The following NETO1 variants were observed in gnomAD, a reference collection of about 807,000 sequenced individuals.
NETO1 encodes the protein neuropilin and tolloid-like protein 1.
Under a neutral mutation model 61.3 loss-of-function variants are expected in NETO1, and 26 were observed. The observed-to-expected ratio is 0.42, with a 90% CI of 0.31 to 0.59. NETO1 has a LOEUF of 0.59. Among genes scored for constraint, NETO1 ranks in the 20% least tolerant of loss-of-function variants. The pLI is 0.12. For synonymous variants in NETO1, 225 were observed against 225.8 expected (o/e 1.00, Z 0.03); for missense variants, 531 against 662.8 (o/e 0.80, Z 2.18).
chr18:72,837,941 C>T lies in NETO1; in HGVS notation c.469+20885G>A, dbSNP rs564344177. Among the ~76,000 whole-genome samples, 108 of 151,574 alleles carry T rather than the reference C, an allele frequency of 7.1e-4. 1 individual carries two copies. The South Asian group carries it at 0.022, about 31-fold the overall frequency. Reference sequence around the variant, plus strand: ...TACAATAGCTACACAAAACATTCTCCGTCCCCATCACCATCCCCTATGACA... The same window carrying T: ...TACAATAGCTACACAAAACATTCTCTGTCCCCATCACCATCCCCTATGACA... On this transcript the variant is annotated intron_variant, in intron 4 of 10. Coordinates refer to ENST00000327305, the MANE Select transcript of NETO1 (RefSeq NM_138966.5).
intron 8 of NETO1, 80 bp from the exon 9 acceptor site, chr18:72,750,700 G>T: frequency 9.7e-7 from 1 of 1,027,154 alleles, no homozygotes; most frequent in Non-Finnish European, 1.4e-6. Flanking sequence ...TAGTCAAAAT[G>T]TGTATTAAAA....
chr18:72,773,709 C>A (rs754256400), intron 7 of NETO1, among the ~76,000 whole-genome samples: 13 of 152,172 alleles, frequency 8.5e-5, no homozygotes, highest in African/African-American at 3.1e-4. Flanking sequence ...AGGTGCCTTC[C>A]GCCATGATTG....
In NETO1 at chr18:72,796,875, T is replaced by C. The variant is rs186411757; in HGVS notation, c.470-2471A>G. ...TCATTTGGAACAAGATGCTTCCTAG[T>C]AGAAATTTGTTTCTTCATCTAAATC... On this transcript the variant is annotated intron_variant, in intron 4 of 10. Transcript: ENST00000327305. Among the ~76,000 whole-genome samples the C allele has an allele frequency of 5.3e-5, 8 of 152,340 alleles. No individual in the cohort carries two copies. The East Asian group carries it at 9.6e-4, about 18-fold the overall frequency.
At chr18:72,765,706 A>G (rs1268854167) in intron 7 of NETO1, among the ~76,000 whole-genome samples, 3 of 152,158 alleles carry the variant, frequency 2.0e-5, no homozygotes, top group African/African-American at 4.8e-5. Flanking sequence ...CGTGAGCCAC[A>G]GTGCCAGGCC....
intron 4 of NETO1, among the ~76,000 whole-genome samples, chr18:72,847,397 A>G (rs2074121360): frequency 6.6e-6 from 1 of 152,172 alleles, no homozygotes; most frequent in South Asian, 2.1e-4. Context: ...GAATGGTGGG[A>G]AGCGAGCCAG....
chr18:72,795,847 A>G (rs916109497), intron 4 of NETO1, among the ~76,000 whole-genome samples: 2 of 152,318 alleles, frequency 1.3e-5, no homozygotes, highest in Middle Eastern at 6.8e-3. Context: ...TCTTGAACTT[A>G]TTATTCTTCC....
intron 4 of NETO1, among the ~76,000 whole-genome samples, chr18:72,833,184 AC>A (rs2073636409): frequency 1.3e-5 from 2 of 152,212 alleles, no homozygotes; most frequent in African/African-American, 4.8e-5. Flanking sequence ...GTATATTGAT[AC>A]ATCCATACAA....
intron 7 of NETO1, among the ~76,000 whole-genome samples, chr18:72,767,214 G>A (rs921232410): frequency 6.6e-6 from 1 of 152,138 alleles, no homozygotes; most frequent in Non-Finnish European, 1.5e-5. Flanking sequence ...TAGTTCAGAG[G>A]CTATCAATTA....
chr18:72,867,309 G>A lies in NETO1; in HGVS notation c.-18C>T. 1 of 1,565,552 alleles carries A rather than the reference G, an allele frequency of 6.4e-7. No homozygotes were observed. Among genetic ancestry groups the A allele is most frequent in the Non-Finnish European group, 8.7e-7 (1 of 1,155,898 alleles). On this transcript the variant is annotated 5_prime_UTR_variant, in exon 1 of 11. Coordinates refer to ENST00000327305, the MANE Select transcript of NETO1 (RefSeq NM_138966.5). ...TGGATCATGTCTGTGCGTTACACCA[G>A]AGGCTCCGGGCTCCACTAATTCCAT...
intron 3 of NETO1, among the ~76,000 whole-genome samples, chr18:72,863,373 G>A (rs1265169410): frequency 6.6e-6 from 1 of 152,078 alleles, no homozygotes; most frequent in Non-Finnish European, 1.5e-5. Context: ...TCTTCTCTTT[G>A]GCTTCCCCGT....
chr18:72,841,551 G>A (rs1375036560), intron 4 of NETO1, among the ~76,000 whole-genome samples: 1 of 151,650 alleles, frequency 6.6e-6, no homozygotes, highest in African/African-American at 2.4e-5. Flanking sequence ...TGGCCAACAT[G>A]GTAAAACCCC....
intron 8 of NETO1, among the ~76,000 whole-genome samples, chr18:72,750,917 CTCTA>C (rs201286732): frequency 0.018 from 1,444 of 82,390 alleles, 17 homozygotes; most frequent in African/African-American, 0.055. Context: ...ACACACAATC[CTCTA>C]TCTATCTAAT....
rs1260519278 is a variant in NETO1, at chr18:72,836,990, C to T, written c.469+21836G>A. On this transcript the variant is annotated intron_variant, in intron 4 of 10. Coordinates refer to ENST00000327305, the MANE Select transcript of NETO1 (RefSeq NM_138966.5). ...TTAGAATGCAGATCCCCCAGGAATC[C>T]GTGATTGACTGAAGATAGAAGGAAA... 7.9e-5 allele frequency among the ~76,000 whole-genome samples: 12 copies of T among 152,092 alleles called. No homozygotes were observed. In the South Asian group the frequency reaches 1.2e-3, roughly 16 times the overall value.
intron 6 of NETO1, among the ~76,000 whole-genome samples, chr18:72,792,552 A>G (rs909945327): frequency 6.6e-6 from 1 of 151,690 alleles, no homozygotes; most frequent in East Asian, 2.0e-4. Context: ...ACCATGGCCT[A>G]ATTTCCAACA....
intron 4 of NETO1, among the ~76,000 whole-genome samples, chr18:72,825,529 A>G (rs73966677): frequency 0.037 from 5,597 of 151,706 alleles, 118 homozygotes; most frequent in South Asian, 0.07. Context: ...TCTTTGTTTT[A>G]TTTCATTAAT....
intron 4 of NETO1, among the ~76,000 whole-genome samples, chr18:72,801,171 C>T (rs1036619703): frequency 6.6e-6 from 1 of 152,172 alleles, no homozygotes; most frequent in South Asian, 2.1e-4. Context: ...AAAAGCCATG[C>T]ATTGGAAATG....
chr18:72,779,072 T>C (rs1359385645), intron 7 of NETO1, among the ~76,000 whole-genome samples: 1 of 152,188 alleles, frequency 6.6e-6, no homozygotes, highest in Non-Finnish European at 1.5e-5. Flanking sequence ...GGGGATACTA[T>C]TTCATAAATG....
intron 4 of NETO1, among the ~76,000 whole-genome samples, chr18:72,813,757 T>C (rs1442424963): frequency 6.7e-6 from 1 of 149,536 alleles, no homozygotes; most frequent in Admixed American, 6.7e-5. Flanking sequence ...AGATGAAGAG[T>C]GAGAAAATAA....
At chr18:72,842,676 T>C (rs1448667566) in intron 4 of NETO1, among the ~76,000 whole-genome samples, 5 of 152,196 alleles carry the variant, frequency 3.3e-5, no homozygotes, top group African/African-American at 1.2e-4. Context: ...CAATAGGCAT[T>C]TACTTGTTGA....
Sources: allele counts gnomAD v4.1 joint callset (sites outside exome capture counted in the v4.1 genomes callset), GRCh38; gene constraint gnomAD v4.1.1; transcripts MANE v1.5; gene names NCBI Gene and HGNC (gene_info 2026-07-23, HGNC 2026-07-21).